Variants in SLC4A10 observed in about 807,000 individuals in gnomAD.
The protein encoded by SLC4A10 is solute carrier family 4 member 10, also known as sodium-driven chloride bicarbonate exchanger.
Under a neutral mutation model 137.7 loss-of-function variants are expected in SLC4A10, and 42 were observed. The observed-to-expected ratio is 0.30, with a 90% CI of 0.24 to 0.39. SLC4A10 has a LOEUF of 0.39. Among genes scored for constraint, SLC4A10 ranks in the 10% least tolerant of loss-of-function variants. The probability of loss-of-function intolerance (pLI) is 1.00; values close to 1 mark genes in which losing one functional copy is unlikely to be tolerated. For synonymous variants in SLC4A10, 474 were observed against 464.1 expected (o/e 1.02, Z -0.27); for missense variants, 925 against 1,355.0 (o/e 0.68, Z 4.98).
At chr2:161,691,778 G>T (rs2042027293) in intron 1 of SLC4A10, among the ~76,000 whole-genome samples, 1 of 151,986 alleles carries the variant, frequency 6.6e-6, no homozygotes, top group Admixed American at 6.6e-5. Context: ...CCATTCCTTT[G>T]TTCATCAAAC....
intron 15 of SLC4A10, among the ~76,000 whole-genome samples, chr2:161,938,125 G>A (rs1339978523): frequency 6.6e-6 from 1 of 152,062 alleles, no homozygotes; most frequent in Non-Finnish European, 1.5e-5. Context: ...ACAAAAATTA[G>A]CCAGGCACGA....
At chr2:161,678,679 T>C (rs1261222959) in intron 1 of SLC4A10, among the ~76,000 whole-genome samples, 2 of 152,084 alleles carry the variant, frequency 1.3e-5, no homozygotes, top group Non-Finnish European at 2.9e-5. Context: ...CATAGATTAG[T>C]TTTACCTCTT....
chr2:161,775,386 C>T (rs2052196181), intron 2 of SLC4A10, among the ~76,000 whole-genome samples: 1 of 151,926 alleles, frequency 6.6e-6, no homozygotes, highest in South Asian at 2.1e-4. Flanking sequence ...TATAGTCTTG[C>T]TCCAGGGCTA....
intron 15 of SLC4A10, among the ~76,000 whole-genome samples, chr2:161,918,063 A>T (rs1397450391): frequency 6.6e-6 from 1 of 152,218 alleles, no homozygotes; most frequent in African/African-American, 2.4e-5. Flanking sequence ...TCATTTTATG[A>T]TTAATACTTA....
At chr2:161,817,477 T>C (rs1397132861) in intron 3 of SLC4A10, among the ~76,000 whole-genome samples, 1 of 152,176 alleles carries the variant, frequency 6.6e-6, no homozygotes, top group Non-Finnish European at 1.5e-5. Flanking sequence ...AGAAGCTCTT[T>C]AGTTTAATTA....
Position 161,983,249 on chromosome 2 carries a change from G to T in SLC4A10, c.*97G>T. ...TGACAGGGAGACTTGTCTATGACTC[G>T]ATCTTCAATTTATTTTTTACATATA... On this transcript the variant is annotated 3_prime_UTR_variant, in exon 27 of 27. Coordinates refer to ENST00000446997, the MANE Select transcript of SLC4A10 (RefSeq NM_001178015.2). 2 of 1,535,340 alleles carry T rather than the reference G, an allele frequency of 1.3e-6. No individual in the cohort carries two copies. The highest frequency in any genetic ancestry group is 2.7e-5 in the African/African-American group (2 of 73,090).
At chr2:161,761,888 T>A (rs949498106) in intron 1 of SLC4A10, among the ~76,000 whole-genome samples, 1 of 152,122 alleles carries the variant, frequency 6.6e-6, no homozygotes, top group African/African-American at 2.4e-5. Flanking sequence ...GTGTGGTCCC[T>A]CAACTGGTCT....
At chr2:161,974,883 G>A (rs1393311203) in intron 24 of SLC4A10, among the ~76,000 whole-genome samples, 1 of 152,132 alleles carries the variant, frequency 6.6e-6, no homozygotes, top group African/African-American at 2.4e-5. Flanking sequence ...ATTTGGCCCA[G>A]AATTCTCCCC....
chr2:161,867,814 A>T (rs974776989), intron 6 of SLC4A10, among the ~76,000 whole-genome samples: 1 of 151,928 alleles, frequency 6.6e-6, no homozygotes, highest in South Asian at 2.1e-4. Context: ...ACATGTATGT[A>T]ACTTTGTCAT....
chr2:161,862,128 A>C (rs1314673165), intron 5 of SLC4A10, among the ~76,000 whole-genome samples: 1 of 152,190 alleles, frequency 6.6e-6, no homozygotes, highest in Non-Finnish European at 1.5e-5. Context: ...GACATTTTTG[A>C]TACTATGTAT....
intron 1 of SLC4A10, among the ~76,000 whole-genome samples, chr2:161,659,822 T>C (rs1251686580): frequency 6.6e-6 from 1 of 152,128 alleles, no homozygotes; most frequent in Non-Finnish European, 1.5e-5. Flanking sequence ...TATTCAATAT[T>C]AGAAAGGAAT....
At chr2:161,638,863 CTTTT>C (rs1015230476) in intron 1 of SLC4A10, among the ~76,000 whole-genome samples, 5 of 62,558 alleles carry the variant, frequency 8.0e-5, no homozygotes, top group Admixed American at 4.5e-4. Context: ...ATAGGTATTT[CTTTT>C]TTTTAAGATA....
chr2:161,826,255 G>T (rs565340465), intron 3 of SLC4A10, among the ~76,000 whole-genome samples: 1 of 152,216 alleles, frequency 6.6e-6, no homozygotes, highest in African/African-American at 2.4e-5. Context: ...TCTGAATATG[G>T]ATTCATCTGA....
intron 2 of SLC4A10, among the ~76,000 whole-genome samples, chr2:161,773,225 T>C (rs574561651): frequency 2.6e-5 from 4 of 151,928 alleles, no homozygotes; most frequent in African/African-American, 7.2e-5. Flanking sequence ...GGGAGTGAGA[T>C]TGAACTCACA....
At chr2:161,714,455 A>G (rs2044630493) in intron 1 of SLC4A10, among the ~76,000 whole-genome samples, 3 of 151,958 alleles carry the variant, frequency 2.0e-5, no homozygotes, top group Admixed American at 1.3e-4. Context: ...GCAATATGGG[A>G]AGATTAATAA....
Position 161,972,469 on chromosome 2 carries a change from T to A in SLC4A10, c.3160-1780T>A, listed in dbSNP as rs114179148. ...TCTGCTAAAATGCTTGAATGAGTAA[T>A]TTCAAACCAATGGTAATCTCCATTC... On this transcript the variant is annotated intron_variant, in intron 23 of 26. Transcript: ENST00000446997. Among the ~76,000 whole-genome samples, 445 of 152,244 alleles carry A rather than the reference T, an allele frequency of 2.9e-3. 3 individuals carry two copies. Among genetic ancestry groups the A allele is most frequent in the African/African-American group, 0.01 (420 of 41,546 alleles).
intron 1 of SLC4A10, among the ~76,000 whole-genome samples, chr2:161,715,750 A>G (rs2044792417): frequency 6.6e-6 from 1 of 152,042 alleles, no homozygotes. Flanking sequence ...ATTGATGGGC[A>G]TTTGGGTTGA....
chr2:161,922,147 A>T (rs930008341), intron 15 of SLC4A10, among the ~76,000 whole-genome samples: 1 of 152,204 alleles, frequency 6.6e-6, no homozygotes, highest in Non-Finnish European at 1.5e-5. Flanking sequence ...AAATATTTCC[A>T]AACTTATATA....
intron 1 of SLC4A10, among the ~76,000 whole-genome samples, chr2:161,742,200 C>A (rs2047963009): frequency 6.6e-6 from 1 of 152,106 alleles, no homozygotes; most frequent in Non-Finnish European, 1.5e-5. Flanking sequence ...TGTATATATA[C>A]CACATTTTCT....
Sources: allele counts gnomAD v4.1 joint callset (sites outside exome capture counted in the v4.1 genomes callset), GRCh38; gene constraint gnomAD v4.1.1; transcripts MANE v1.5; gene names NCBI Gene and HGNC (gene_info 2026-07-23, HGNC 2026-07-21).